The following VDAC1 variants were observed in gnomAD, a reference collection of about 807,000 sequenced individuals.
VDAC1 encodes voltage dependent anion channel 1.
In VDAC1, 10 loss-of-function variants were observed where a neutral mutation model predicts 34.7. The observed-to-expected ratio is 0.29, with a 90% CI of 0.18 to 0.49. VDAC1 has a LOEUF of 0.49. Ranked by LOEUF, VDAC1 falls within the 20% of genes least tolerant of loss-of-function variation. The probability of loss-of-function intolerance (pLI) is 0.99; values close to 1 mark genes in which losing one functional copy is unlikely to be tolerated. For synonymous variants in VDAC1, 130 were observed against 136.0 expected (o/e 0.96, Z 0.30); for missense variants, 230 against 347.9 (o/e 0.66, Z 2.69).
the VDAC1 span, among the ~76,000 whole-genome samples, chr5:134,059,853 T>C: frequency 6.6e-6 from 1 of 151,980 alleles, no homozygotes. Flanking sequence ...TGTTTGATTG[T>C]GTGGCTGAAG....
chr5:133,978,591 G>T (rs1457080023), intron 6 of VDAC1, among the ~76,000 whole-genome samples: 3 of 152,148 alleles, frequency 2.0e-5, no homozygotes, highest in Non-Finnish European at 4.4e-5. Context: ...TAAGATTTTT[G>T]AATGACTTTA....
chr5:134,014,691 C>G, the VDAC1 span, among the ~76,000 whole-genome samples: 1 of 152,118 alleles, frequency 6.6e-6, no homozygotes, highest in Non-Finnish European at 1.5e-5. Flanking sequence ...CATAGTGAAA[C>G]CCCGTCTCTA....
chr5:134,096,200 C>T, the VDAC1 span, among the ~76,000 whole-genome samples: 677 of 152,372 alleles, frequency 4.4e-3, 4 homozygotes, highest in African/African-American at 0.016. Flanking sequence ...CTAGGGGCTT[C>T]CTCCTCAGCC....
chr5:133,972,290 TAA>T lies in VDAC1; in HGVS notation c.*479_*480del. ...ACCACACCCTGCAGACCTTTTGGTG[TAA>T]AAGAGATGATGATGAACTGGGGTGG... On this transcript the variant is annotated 3_prime_UTR_variant, in exon 9 of 9. Coordinates refer to ENST00000265333, the MANE Select transcript of VDAC1 (RefSeq NM_003374.3). The T allele has an allele frequency of 4.0e-6, 1 of 253,026 alleles. No individual in the cohort carries two copies. Among genetic ancestry groups the T allele is most frequent in the Non-Finnish European group, 7.4e-6 (1 of 134,582 alleles). 15.7% of individuals were successfully genotyped at this position (253,026 alleles called of 1,614,324 possible). A position where few individuals can be genotyped will look rare whatever the true frequency, so the allele number is the denominator to read the frequency against.
the VDAC1 span, among the ~76,000 whole-genome samples, chr5:134,061,906 A>G: frequency 0.65 from 98,716 of 151,460 alleles, 33,137 homozygotes; most frequent in East Asian, 0.79. Context: ...GTAGGTATTT[A>G]GTAGATACCC....
At chr5:133,978,013 A>G (rs560994232) in intron 6 of VDAC1, among the ~76,000 whole-genome samples, 1 of 152,288 alleles carries the variant, frequency 6.6e-6, no homozygotes, top group South Asian at 2.1e-4. Flanking sequence ...GTTCTGCCTC[A>G]TCATTGTGGG....
the VDAC1 span, among the ~76,000 whole-genome samples, chr5:134,015,150 G>A: frequency 6.6e-6 from 1 of 152,078 alleles, no homozygotes; most frequent in South Asian, 2.1e-4. Flanking sequence ...ATAAGTGGGA[G>A]CTAAACATTG....
chr5:134,111,205 T>G, the VDAC1 span, among the ~76,000 whole-genome samples: 1 of 152,192 alleles, frequency 6.6e-6, no homozygotes, highest in South Asian at 2.1e-4. Flanking sequence ...AACTTAAGAC[T>G]GCCCAAATCT....
intron 5 of VDAC1, among the ~76,000 whole-genome samples, chr5:133,983,207 C>G (rs566046964): frequency 6.6e-6 from 1 of 151,126 alleles, no homozygotes; most frequent in Non-Finnish European, 1.5e-5. Context: ...GAGATCGCAC[C>G]ATTGCACTCC....
the VDAC1 span, among the ~76,000 whole-genome samples, chr5:134,097,519 G>A: frequency 6.6e-6 from 1 of 152,190 alleles, no homozygotes; most frequent in East Asian, 1.9e-4. Flanking sequence ...AAATGGTGAG[G>A]GCATGTTTCC....
the VDAC1 span, among the ~76,000 whole-genome samples, chr5:134,065,422 C>T: frequency 6.7e-6 from 1 of 149,614 alleles, no homozygotes; most frequent in African/African-American, 2.5e-5. Context: ...CTCACTGCAA[C>T]CTCTGCCTCC....
At chr5:134,067,573 T>C in the VDAC1 span, among the ~76,000 whole-genome samples, 1 of 149,792 alleles carries the variant, frequency 6.7e-6, no homozygotes, top group Non-Finnish European at 1.5e-5. Flanking sequence ...CCAGGTTTTA[T>C]GGGATCTGAA....
the VDAC1 span, among the ~76,000 whole-genome samples, chr5:134,084,048 GT>G: frequency 2.6e-5 from 4 of 152,222 alleles, no homozygotes; most frequent in African/African-American, 9.6e-5. Flanking sequence ...GCTATCAGCG[GT>G]ATTTTTATTC....
chr5:134,092,851 T>C, the VDAC1 span, among the ~76,000 whole-genome samples: 3 of 152,300 alleles, frequency 2.0e-5, no homozygotes, highest in South Asian at 4.1e-4. Flanking sequence ...TAGGTTACTA[T>C]AGATTTGCAC....
At chr5:134,041,737 T>C in the VDAC1 span, among the ~76,000 whole-genome samples, 1 of 152,116 alleles carries the variant, frequency 6.6e-6, no homozygotes, top group South Asian at 2.1e-4. Context: ...CACAGGGCGC[T>C]TTGCATGGCC....
At chr5:133,997,106 AT>A (rs1432048819) in intron 1 of VDAC1, among the ~76,000 whole-genome samples, 1 of 152,160 alleles carries the variant, frequency 6.6e-6, no homozygotes, top group Non-Finnish European at 1.5e-5. Context: ...AACGTAAATA[AT>A]ATCCAGTGTC....
the VDAC1 span, among the ~76,000 whole-genome samples, chr5:134,089,835 C>CA: frequency 1.3e-5 from 2 of 151,938 alleles, no homozygotes; most frequent in African/African-American, 2.4e-5. Context: ...ACTAAAAATA[C>CA]AAAAAAATTA....
the VDAC1 span, among the ~76,000 whole-genome samples, chr5:134,029,823 G>A: frequency 6.6e-6 from 1 of 152,032 alleles, no homozygotes; most frequent in Non-Finnish European, 1.5e-5. Context: ...TGAGATGCTG[G>A]GATAGTTCTG....
chr5:133,980,984 C>A, intron 5 of VDAC1, 28 bp from the exon 6 acceptor site: 1 of 1,553,988 alleles, frequency 6.4e-7, no homozygotes, highest in Non-Finnish European at 8.8e-7. Context: ...ATATTAAGAT[C>A]AGAAGCTAAC....
Sources: allele counts gnomAD v4.1 joint callset (sites outside exome capture counted in the v4.1 genomes callset), GRCh38; gene constraint gnomAD v4.1.1; transcripts MANE v1.5; gene names NCBI Gene and HGNC (gene_info 2026-07-23, HGNC 2026-07-21).